Variants in PHF24 observed in about 807,000 individuals in gnomAD.
The protein encoded by PHF24 is PHD finger protein 24.
PHF24 carries 25 observed loss-of-function variants against 42.6 expected under a neutral mutation model. The observed-to-expected ratio is 0.59, with a 90% confidence interval of 0.43 to 0.82. The LOEUF is 0.82. Among genes scored for constraint, PHF24 ranks in the 40% least tolerant of loss-of-function variants. The pLI is 0.00. For missense variants in PHF24, 470 were observed against 538.1 expected (o/e 0.87, Z 1.25); for synonymous variants, 185 against 204.8 (o/e 0.90, Z 0.83).
At chr9:34,669,139 T>C in the PHF24 span, among the ~76,000 whole-genome samples, 5 of 152,184 alleles carry the variant, frequency 3.3e-5, no homozygotes, top group Non-Finnish European at 7.4e-5. Flanking sequence ...CCCCAAAATG[T>C]ATAAAACCAA....
At chr9:34,739,241 T>C in the PHF24 span, among the ~76,000 whole-genome samples, 39 of 152,202 alleles carry the variant, frequency 2.6e-4, no homozygotes, top group Non-Finnish European at 4.1e-4. Context: ...TTGACAAAAA[T>C]AATATTTGAT....
At chr9:34,973,117 C>T (rs889533045) in intron 3 of PHF24, among the ~76,000 whole-genome samples, 1 of 152,118 alleles carries the variant, frequency 6.6e-6, no homozygotes, top group African/African-American at 2.4e-5. Flanking sequence ...AGCAAAATCA[C>T]CCCCGGTAGA....
chr9:34,768,920 G>A, the PHF24 span, among the ~76,000 whole-genome samples: 9 of 152,074 alleles, frequency 5.9e-5, no homozygotes, highest in African/African-American at 2.2e-4. Flanking sequence ...GAGGGAGAGA[G>A]AGAGAGAATT....
At chr9:34,938,655 C>T in the PHF24 span, among the ~76,000 whole-genome samples, 2 of 151,926 alleles carry the variant, frequency 1.3e-5, no homozygotes, top group Non-Finnish European at 2.9e-5. Context: ...TGTTGCTGGG[C>T]GCAGTGGCTC....
the PHF24 span, among the ~76,000 whole-genome samples, chr9:34,816,214 C>T: frequency 2.6e-5 from 4 of 152,044 alleles, no homozygotes; most frequent in East Asian, 5.8e-4. Context: ...ACAGCTGATC[C>T]AGTTTGCAAA....
the PHF24 span, chr9:34,837,632 A>G: frequency 2.0e-6 from 3 of 1,506,032 alleles, no homozygotes; most frequent in Non-Finnish European, 2.7e-6. Flanking sequence ...GAAGGGAGTC[A>G]GAGGAGAGAT....
the PHF24 span, chr9:34,833,796 T>C: frequency 1.9e-6 from 3 of 1,551,598 alleles, no homozygotes; most frequent in East Asian, 2.4e-5. Flanking sequence ...CCAAGACTTA[T>C]ACACTGTTCT....
the PHF24 span, chr9:34,689,866 A>C: frequency 6.2e-7 from 1 of 1,614,178 alleles, no homozygotes; most frequent in Non-Finnish European, 8.5e-7. This position sits in a 1 kb window ranked among gnomAD's most constrained non-coding sequence, Gnocchi z 4.1. Context: ...AGGAAGGATC[A>C]TGGGCTGGAA....
the PHF24 span, among the ~76,000 whole-genome samples, chr9:34,674,933 C>G: frequency 6.6e-6 from 1 of 152,156 alleles, no homozygotes; most frequent in Non-Finnish European, 1.5e-5. Context: ...GTGGCGTGAT[C>G]TCGGCTCACT....
the PHF24 span, among the ~76,000 whole-genome samples, chr9:34,950,705 G>A: frequency 6.6e-6 from 1 of 151,918 alleles, no homozygotes; most frequent in African/African-American, 2.4e-5. Flanking sequence ...ATTATATTTC[G>A]ATTTTAAAAA....
upstream of PHF24, among the ~76,000 whole-genome samples, chr9:34,956,385 G>C (rs749243072): frequency 1.3e-5 from 2 of 152,078 alleles, no homozygotes; most frequent in Non-Finnish European, 2.9e-5. Context: ...TCAGCCTCCC[G>C]AGTAGCTGGG....
At chr9:34,740,382 C>T in the PHF24 span, among the ~76,000 whole-genome samples, 1 of 152,220 alleles carries the variant, frequency 6.6e-6, no homozygotes, top group Non-Finnish European at 1.5e-5. Context: ...CCCTGCCCTG[C>T]GGGAAGGCAG....
At chr9:34,846,010 A>T in the PHF24 span, among the ~76,000 whole-genome samples, 57 of 152,042 alleles carry the variant, frequency 3.7e-4, no homozygotes, top group Non-Finnish European at 5.1e-4. Flanking sequence ...TGTTGGACAT[A>T]TGGGTTGGTT....
chr9:34,687,538 G>A, the PHF24 span, among the ~76,000 whole-genome samples: 1 of 152,142 alleles, frequency 6.6e-6, no homozygotes, highest in Non-Finnish European at 1.5e-5. Context: ...TCTGGCCCAG[G>A]CAGTGAATTC....
At chr9:34,727,945 G>T in the PHF24 span, 1 of 1,366,922 alleles carries the variant, frequency 7.3e-7, no homozygotes, top group Non-Finnish European at 1.0e-6. Flanking sequence ...TTTCTCCTTA[G>T]TCCTGCCCCA....
At chr9:34,832,870 C>T in the PHF24 span, 1 of 1,551,672 alleles carries the variant, frequency 6.4e-7, no homozygotes, top group Non-Finnish European at 8.7e-7. Context: ...TGACAGTTAG[C>T]TTGGTTTGAC....
chr9:34,779,656 G>C, the PHF24 span, among the ~76,000 whole-genome samples: 2 of 152,154 alleles, frequency 1.3e-5, no homozygotes, highest in African/African-American at 4.8e-5. Flanking sequence ...TACTGGCATA[G>C]TAGACATATA....
the PHF24 span, among the ~76,000 whole-genome samples, chr9:34,819,919 A>T: frequency 6.6e-6 from 1 of 152,086 alleles, no homozygotes; most frequent in Non-Finnish European, 1.5e-5. Flanking sequence ...TTAATTGTGG[A>T]TTCATCCTTG....
At chr9:34,723,402 C>T in the PHF24 span, 3 of 1,551,726 alleles carry the variant, frequency 1.9e-6, no homozygotes, top group African/African-American at 2.7e-5. Flanking sequence ...AGCTTCTGAG[C>T]AGGACGAGAT....
Sources: allele counts gnomAD v4.1 joint callset (sites outside exome capture counted in the v4.1 genomes callset), GRCh38; gene constraint gnomAD v4.1.1; non-coding constraint Gnocchi (gnomAD v3.1); transcripts MANE v1.5; gene names NCBI Gene and HGNC (gene_info 2026-07-23, HGNC 2026-07-21).